The following ZFAND3 variants were observed in gnomAD, a reference collection of about 807,000 sequenced individuals.
ZFAND3 encodes the protein zinc finger AN1-type containing 3.
In ZFAND3, 10 loss-of-function variants were observed where a neutral mutation model predicts 29.6. That is an observed-to-expected ratio of 0.34 (90% confidence interval 0.21 to 0.57). ZFAND3 has a LOEUF of 0.57. Ranked by LOEUF, ZFAND3 falls within the 20% of genes least tolerant of loss-of-function variation. ZFAND3 has a pLI of 0.86. For synonymous variants in ZFAND3, 128 were observed against 112.6 expected (o/e 1.14, Z -0.87); for missense variants, 230 against 304.5 (o/e 0.76, Z 1.82).
At chr6:37,930,770 A>G (rs75273619) in intron 2 of ZFAND3, among the ~76,000 whole-genome samples, 9,835 of 152,274 alleles carry the variant, frequency 0.065, 438 homozygotes, top group Non-Finnish European at 0.093. Context: ...TAGCGATCCT[A>G]TATAAATAAG....
At chr6:37,995,983 G>T (rs1216658395) in intron 2 of ZFAND3, among the ~76,000 whole-genome samples, 1 of 151,848 alleles carries the variant, frequency 6.6e-6, no homozygotes, top group East Asian at 1.9e-4. Context: ...AAAAAAATTA[G>T]CCGGGCGTGG....
At chr6:38,140,962 C>G (rs11753759) in intron 5 of ZFAND3, among the ~76,000 whole-genome samples, 10,337 of 151,868 alleles carry the variant, frequency 0.068, 426 homozygotes, top group Non-Finnish European at 0.087. Context: ...AATCAAGAAG[C>G]CAGCTTCTCT....
chr6:37,872,983 G>T (rs951139038), intron 1 of ZFAND3, among the ~76,000 whole-genome samples: 7 of 152,256 alleles, frequency 4.6e-5, no homozygotes, highest in African/African-American at 1.4e-4. Context: ...TTGGGGCCAG[G>T]TGTGGTGGCT....
chr6:38,105,682 T>C (rs1765193398), intron 4 of ZFAND3, among the ~76,000 whole-genome samples: 2 of 152,204 alleles, frequency 1.3e-5, no homozygotes, highest in South Asian at 4.1e-4. Flanking sequence ...ACTAGAGTTC[T>C]GTGAGATGTT....
intron 2 of ZFAND3, among the ~76,000 whole-genome samples, chr6:38,014,774 G>A (rs1420970125): frequency 3.3e-5 from 5 of 152,174 alleles, no homozygotes; most frequent in Non-Finnish European, 4.4e-5. Context: ...TTTCTAAAGG[G>A]AGGAGGCATT....
intron 1 of ZFAND3, among the ~76,000 whole-genome samples, chr6:37,910,888 T>G (rs974164829): frequency 5.3e-5 from 8 of 152,230 alleles, no homozygotes; most frequent in African/African-American, 1.9e-4. Context: ...CCTTCTCTTT[T>G]AAGGCTTAAT....
At chr6:37,890,519 G>A (rs753566510) in intron 1 of ZFAND3, among the ~76,000 whole-genome samples, 2 of 152,150 alleles carry the variant, frequency 1.3e-5, no homozygotes, top group African/African-American at 4.8e-5. Context: ...CATGTGATCT[G>A]TATTGTTCTA....
At chr6:38,115,125 T>C (rs947518343) in intron 4 of ZFAND3, among the ~76,000 whole-genome samples, 1 of 152,148 alleles carries the variant, frequency 6.6e-6, no homozygotes, top group Non-Finnish European at 1.5e-5. Context: ...AGGGCCTCCA[T>C]ATGCCAGTAC....
intron 1 of ZFAND3, among the ~76,000 whole-genome samples, chr6:37,881,652 G>A (rs145822234): frequency 7.2e-5 from 11 of 152,202 alleles, no homozygotes; most frequent in Middle Eastern, 3.4e-3. Context: ...CAAAAAGTAC[G>A]AGCTATATAG....
intron 4 of ZFAND3, among the ~76,000 whole-genome samples, chr6:38,083,536 CAGAG>C (rs1348819584): frequency 6.6e-6 from 1 of 152,104 alleles, no homozygotes. Context: ...AGCGGGAAGT[CAGAG>C]AGCCAACTAC....
chr6:38,141,400 G>T (rs940171033), intron 5 of ZFAND3, among the ~76,000 whole-genome samples: 2 of 152,186 alleles, frequency 1.3e-5, no homozygotes, highest in Non-Finnish European at 2.9e-5. Context: ...AGAATACTCA[G>T]CTGTACCTGT....
In ZFAND3 at chr6:37,890,368, A is replaced by G. The variant is rs142911773; in HGVS notation, c.72-39591A>G. ...CTGATATTTGGACATTTGGGTCTCA[A>G]TAGAGAGATTGCAGGTTGAATGGAA... On this transcript the variant is annotated intron_variant, in intron 1 of 5. Coordinates refer to ENST00000287218, the MANE Select transcript of ZFAND3 (RefSeq NM_021943.3). Among the ~76,000 whole-genome samples the G allele has an allele frequency of 4.1e-3, 626 of 152,318 alleles. 13 individuals carry two copies. The highest frequency in any genetic ancestry group is 0.037 in the Admixed American group (566 of 15,298).
intron 4 of ZFAND3, among the ~76,000 whole-genome samples, chr6:38,103,132 T>G (rs1225517455): frequency 6.6e-6 from 1 of 152,140 alleles, no homozygotes; most frequent in African/African-American, 2.4e-5. Flanking sequence ...TTACAGTAAG[T>G]CCTCACTTAA....
intron 4 of ZFAND3, among the ~76,000 whole-genome samples, chr6:38,100,304 C>T (rs191861876): frequency 6.4e-4 from 97 of 152,244 alleles, no homozygotes; most frequent in African/African-American, 2.0e-3. Flanking sequence ...CCTCGTGATC[C>T]GCCTGCCTCG....
chr6:37,891,216 C>A (rs1307769177), intron 1 of ZFAND3, among the ~76,000 whole-genome samples: 1 of 152,112 alleles, frequency 6.6e-6, no homozygotes, highest in Non-Finnish European at 1.5e-5. Flanking sequence ...TTTCTAAGTT[C>A]ATCTGTGTTG....
intron 1 of ZFAND3, among the ~76,000 whole-genome samples, chr6:37,856,250 C>T (rs1292814755): frequency 6.6e-6 from 1 of 152,116 alleles, no homozygotes; most frequent in Non-Finnish European, 1.5e-5. Context: ...CCCACTCGGC[C>T]TCCCAGATTG....
intron 2 of ZFAND3, among the ~76,000 whole-genome samples, chr6:37,959,208 A>G (rs578038587): frequency 2.6e-5 from 4 of 152,348 alleles, no homozygotes; most frequent in African/African-American, 9.6e-5. Flanking sequence ...CTAACACAAC[A>G]CAGTGGTTTG....
intron 2 of ZFAND3, among the ~76,000 whole-genome samples, chr6:37,955,149 T>TTTTG (rs111721503): frequency 6.7e-6 from 1 of 148,948 alleles, no homozygotes; most frequent in African/African-American, 2.5e-5. Context: ...CAACCAATTT[T>TTTTG]TGTGTGTGTG....
intron 1 of ZFAND3, among the ~76,000 whole-genome samples, chr6:37,868,515 G>A (rs534052196): frequency 5.9e-5 from 9 of 152,266 alleles, no homozygotes; most frequent in South Asian, 4.1e-4. Flanking sequence ...TGACTGTAGC[G>A]CGGGGCTGGG....
Sources: gnomAD v4.1 joint callset for allele counts (sites outside exome capture counted in the v4.1 genomes callset) on GRCh38, gnomAD v4.1.1 for gene constraint, MANE v1.5 for transcripts, NCBI Gene and HGNC (gene_info 2026-07-23, HGNC 2026-07-21) for gene names.